PPA2: variants seen among roughly 807,000 people sequenced by gnomAD.
The protein encoded by PPA2 is inorganic pyrophosphatase 2.
PPA2 carries 48 observed loss-of-function variants against 49.5 expected under a neutral mutation model. The ratio of observed to expected loss-of-function variants is 0.97; its 90% CI spans 0.77 to 1.23. PPA2 has a LOEUF of 1.23. Ranked by LOEUF, PPA2 falls within the 50% of genes most tolerant of loss-of-function variation. The pLI is 0.00. For missense variants in PPA2, 429 were observed against 410.1 expected (o/e 1.05, Z -0.40); for synonymous variants, 131 against 139.9 (o/e 0.94, Z 0.45).
chr4:105,450,730 C>A (rs991855181), intron 3 of PPA2, among the ~76,000 whole-genome samples: 11 of 151,564 alleles, frequency 7.3e-5, no homozygotes, highest in South Asian at 2.1e-4. Flanking sequence ...GCCTCGGCCT[C>A]CCGAGTAGCT....
chr4:105,399,257 G>A (rs2110394901), intron 7 of PPA2, 93 bp from the exon 8 acceptor site: 2 of 1,259,168 alleles, frequency 1.6e-6, no homozygotes, highest in East Asian at 2.3e-5. Context: ...CAGGAAACAT[G>A]GGGCCCAGTC....
intron 7 of PPA2, among the ~76,000 whole-genome samples, chr4:105,414,345 G>A (rs1722903319): frequency 6.6e-6 from 1 of 152,214 alleles, no homozygotes; most frequent in Non-Finnish European, 1.5e-5. Context: ...AAACCTCTGT[G>A]GCCAGTGGCG....
chr4:105,425,338 AG>A (rs1260997527), intron 6 of PPA2, among the ~76,000 whole-genome samples: 2 of 152,206 alleles, frequency 1.3e-5, no homozygotes, highest in African/African-American at 4.8e-5. Flanking sequence ...AAAGATTTAA[AG>A]AAAAACATGA....
At chr4:105,408,263 T>C (rs1190051723) in intron 7 of PPA2, among the ~76,000 whole-genome samples, 1 of 152,142 alleles carries the variant, frequency 6.6e-6, no homozygotes, top group Non-Finnish European at 1.5e-5. Context: ...GGTGCAAAAC[T>C]ACCTGGTATA....
chr4:105,390,998 C>A (rs13134204), intron 9 of PPA2, among the ~76,000 whole-genome samples: 2 of 151,816 alleles, frequency 1.3e-5, no homozygotes, highest in African/African-American at 4.8e-5. Context: ...TAGGATACTA[C>A]GTAGCCATAA....
At chr4:105,394,502 G>A (rs1054365314) in intron 9 of PPA2, among the ~76,000 whole-genome samples, 1 of 151,876 alleles carries the variant, frequency 6.6e-6, no homozygotes, top group South Asian at 2.1e-4. Flanking sequence ...TGTGTAAAAT[G>A]GAGATAACAA....
chr4:105,408,228 G>C (rs1722576225), intron 7 of PPA2, among the ~76,000 whole-genome samples: 1 of 152,060 alleles, frequency 6.6e-6, no homozygotes, highest in Admixed American at 6.6e-5. Flanking sequence ...TATTTAAACT[G>C]GTTCTCAAAA....
chr4:105,401,430 C>A (rs569995833), intron 7 of PPA2, among the ~76,000 whole-genome samples: 1 of 151,846 alleles, frequency 6.6e-6, no homozygotes, highest in East Asian at 1.9e-4. Context: ...TTTCAGTTTT[C>A]TTTTATTGTG....
chr4:105,469,781 C>A (rs567603421), intron 1 of PPA2, among the ~76,000 whole-genome samples: 1 of 152,274 alleles, frequency 6.6e-6, no homozygotes, highest in Non-Finnish European at 1.5e-5. Context: ...TCCATTATAT[C>A]AGTTGAAGTT....
intron 10 of PPA2, among the ~76,000 whole-genome samples, chr4:105,376,305 A>G (rs1326684832): frequency 6.6e-6 from 1 of 152,244 alleles, no homozygotes; most frequent in Admixed American, 6.5e-5. Context: ...CAACTATAAG[A>G]CAACCATCCA....
At chr4:105,461,971 A>G (rs1471934637) in intron 1 of PPA2, among the ~76,000 whole-genome samples, 5 of 152,238 alleles carry the variant, frequency 3.3e-5, no homozygotes, top group Non-Finnish European at 5.9e-5. Context: ...GAACTCATTA[A>G]AAGTTTTCCA....
chr4:105,444,159 T>C (rs905892885), intron 5 of PPA2, among the ~76,000 whole-genome samples: 2 of 152,146 alleles, frequency 1.3e-5, no homozygotes, highest in African/African-American at 4.8e-5. Flanking sequence ...TTAATAAATA[T>C]GTACTGAATG....
chr4:105,446,648 G>A (rs1722398009), intron 4 of PPA2, 146 bp from the exon 5 acceptor site: 1 of 1,016,610 alleles, frequency 9.8e-7, no homozygotes, highest in South Asian at 1.7e-5. Context: ...AAGAAATTAA[G>A]CCAGCTCTTA....
intron 4 of PPA2, among the ~76,000 whole-genome samples, chr4:105,447,151 A>G (rs77109831): frequency 0.23 from 35,691 of 152,084 alleles, 4,458 homozygotes; most frequent in Middle Eastern, 0.29. Flanking sequence ...GTGTCCATCA[A>G]CAGATTAATG....
intron 8 of PPA2, 151 bp downstream of exon 8, chr4:105,398,886 A>C: frequency 1.5e-6 from 1 of 652,014 alleles, no homozygotes; most frequent in Non-Finnish European, 2.3e-6. Context: ...GAATTTAAAT[A>C]ATAAAATAAT....
chr4:105,386,523 G>T (rs373810320), intron 10 of PPA2, 44 bp downstream of exon 10: 85 of 1,546,150 alleles, frequency 5.5e-5, no homozygotes, highest in Non-Finnish European at 7.5e-5. Context: ...GACTTCCTAT[G>T]ACATTTATAA....
At chr4:105,408,647 A>G (rs1578829495) in intron 7 of PPA2, among the ~76,000 whole-genome samples, 1 of 152,336 alleles carries the variant, frequency 6.6e-6, no homozygotes, top group African/African-American at 2.4e-5. Flanking sequence ...AAGATGACAA[A>G]GTTTAGAATG....
At chr4:105,452,367 TTCAC>T (rs1268415791) in intron 3 of PPA2, among the ~76,000 whole-genome samples, 1 of 152,228 alleles carries the variant, frequency 6.6e-6, no homozygotes, top group Non-Finnish European at 1.5e-5. Flanking sequence ...GAAACCCTTG[TTCAC>T]TCAACATCTA....
chr4:105,411,689 C>T (rs1026729853), intron 7 of PPA2, among the ~76,000 whole-genome samples: 39 of 152,136 alleles, frequency 2.6e-4, no homozygotes, highest in African/African-American at 6.3e-4. Context: ...ATTTAGAAAA[C>T]GCCATCATCT....
Sources: gnomAD v4.1 joint callset for allele counts (sites outside exome capture counted in the v4.1 genomes callset) on GRCh38, gnomAD v4.1.1 for gene constraint, MANE v1.5 for transcripts, NCBI Gene and HGNC (gene_info 2026-07-23, HGNC 2026-07-21) for gene names.